ADAM20: variants seen among roughly 807,000 people sequenced by gnomAD.
ADAM20 encodes the protein ADAM metallopeptidase domain 20, also known as disintegrin and metalloproteinase domain-containing protein 20.
For synonymous variants in ADAM20, 305 were observed against 310.2 expected, an observed-to-expected ratio of 0.98 and a Z score of 0.18; for missense variants, 871 against 883.2, an observed-to-expected ratio of 0.99 and a Z score of 0.18.
At chr14:70,540,037 C>T in the ADAM20 span, among the ~76,000 whole-genome samples, 12 of 152,288 alleles carry the variant, frequency 7.9e-5, no homozygotes, top group South Asian at 1.9e-3. Flanking sequence ...CCGCAACACA[C>T]GCCCAACTAA....
the ADAM20 span, among the ~76,000 whole-genome samples, chr14:70,575,088 A>T: frequency 6.6e-6 from 1 of 151,916 alleles, no homozygotes; most frequent in Non-Finnish European, 1.5e-5. Flanking sequence ...TTTCTGTAAC[A>T]CGAGATAAAT....
At chr14:70,567,209 T>C in the ADAM20 span, among the ~76,000 whole-genome samples, 36 of 151,754 alleles carry the variant, frequency 2.4e-4, no homozygotes, top group East Asian at 7.0e-3. Context: ...AGATACCTAG[T>C]GGACCTCTGC....
intron 1 of ADAM20, among the ~76,000 whole-genome samples, chr14:70,525,323 C>A (rs1566656555): frequency 6.6e-6 from 1 of 152,106 alleles, no homozygotes; most frequent in Non-Finnish European, 1.5e-5. Context: ...ACGAGATCCT[C>A]CCACCTTAGC....
At chr14:70,571,325 T>C in the ADAM20 span, among the ~76,000 whole-genome samples, 283 of 152,270 alleles carry the variant, frequency 1.9e-3, 2 homozygotes, top group Non-Finnish European at 3.3e-3. Flanking sequence ...GGTGGTTACC[T>C]CCATTCTGTT....
At chr14:70,543,024 C>T in the ADAM20 span, among the ~76,000 whole-genome samples, 1 of 151,620 alleles carries the variant, frequency 6.6e-6, no homozygotes, top group African/African-American at 2.4e-5. Context: ...ATAAAGCAAA[C>T]CAGTCCTACT....
intron 1 of ADAM20, among the ~76,000 whole-genome samples, chr14:70,534,082 CAAAAA>C (rs59828723): frequency 0.08 from 4,292 of 53,734 alleles, 111 homozygotes; most frequent in African/African-American, 0.14. Flanking sequence ...GACCCTGTCT[CAAAAA>C]AAAAAAAAAA....
At chr14:70,530,593 T>C (rs1191133386) in intron 1 of ADAM20, among the ~76,000 whole-genome samples, 2 of 152,180 alleles carry the variant, frequency 1.3e-5, no homozygotes, top group Non-Finnish European at 2.9e-5. Flanking sequence ...TGCATTACGA[T>C]GTGACATTAG....
chr14:70,579,094 C>T, the ADAM20 span, among the ~76,000 whole-genome samples: 2 of 152,132 alleles, frequency 1.3e-5, no homozygotes, highest in Non-Finnish European at 2.9e-5. Context: ...TCTTGATGGG[C>T]ACCTTGACTG....
At chr14:70,573,800 G>A in the ADAM20 span, among the ~76,000 whole-genome samples, 1 of 152,178 alleles carries the variant, frequency 6.6e-6, no homozygotes, top group African/African-American at 2.4e-5. Flanking sequence ...AAAGATCATT[G>A]TATAATGATA....
chr14:70,573,161 T>C, the ADAM20 span, among the ~76,000 whole-genome samples: 1 of 152,150 alleles, frequency 6.6e-6, no homozygotes, highest in African/African-American at 2.4e-5. Flanking sequence ...CTATTCACAA[T>C]AGCAAAATCA....
the ADAM20 span, among the ~76,000 whole-genome samples, chr14:70,562,576 G>A: frequency 6.6e-6 from 1 of 152,294 alleles, no homozygotes; most frequent in Non-Finnish European, 1.5e-5. Flanking sequence ...CATGTTGGAG[G>A]AGGGGCTTGG....
chr14:70,557,705 T>C, the ADAM20 span, among the ~76,000 whole-genome samples: 1 of 152,246 alleles, frequency 6.6e-6, no homozygotes, highest in African/African-American at 2.4e-5. Context: ...TGGGCCAGAA[T>C]GGCTTTGAAT....
chr14:70,558,902 C>T, the ADAM20 span, among the ~76,000 whole-genome samples: 2 of 151,816 alleles, frequency 1.3e-5, no homozygotes, highest in Non-Finnish European at 2.9e-5. Flanking sequence ...TATTTTATAT[C>T]TTCCCTATCT....
chr14:70,541,353 C>T, the ADAM20 span, among the ~76,000 whole-genome samples: 1 of 152,024 alleles, frequency 6.6e-6, no homozygotes, highest in Non-Finnish European at 1.5e-5. Flanking sequence ...CACATTTTTA[C>T]CTAGATTAAA....
the ADAM20 span, among the ~76,000 whole-genome samples, chr14:70,574,465 T>G: frequency 6.6e-6 from 1 of 151,304 alleles, no homozygotes; most frequent in Non-Finnish European, 1.5e-5. Context: ...ACGGTGAAAC[T>G]CCGTCTCTAC....
In ADAM20 at chr14:70,524,216, G is replaced by T; in HGVS notation, c.542C>A (p.Ala181Glu). Reference sequence around the variant, plus strand: ...TGACAATTGCAACTCCATCTGGTGTGCTATTTTCTCTTCTGTTAACCCACA... The same window carrying T: ...TGACAATTGCAACTCCATCTGGTGTTCTATTTTCTCTTCTGTTAACCCACA... ...MRCGLTEEKI[A>E]HQMELQLSYN... Residue 181 changes from alanine to glutamate, a missense_variant, in exon 2 of 2, where the codon GCA becomes GAA. Transcript: ENST00000256389. 6.2e-7 allele frequency: 1 copy of T among 1,613,934 alleles called. No homozygotes were observed. The highest frequency in any genetic ancestry group is 8.5e-7 in the Non-Finnish European group (1 of 1,179,924).
At chr14:70,569,714 T>A in the ADAM20 span, among the ~76,000 whole-genome samples, 5 of 151,850 alleles carry the variant, frequency 3.3e-5, no homozygotes, top group Admixed American at 2.0e-4. Flanking sequence ...AAACATTCAA[T>A]TCAATCAAGA....
At chr14:70,544,484 C>T in the ADAM20 span, among the ~76,000 whole-genome samples, 1 of 152,030 alleles carries the variant, frequency 6.6e-6, no homozygotes, top group African/African-American at 2.4e-5. Context: ...GCAGTGCTTA[C>T]ATGGAAATTT....
At chr14:70,578,731 G>C in the ADAM20 span, among the ~76,000 whole-genome samples, 1 of 152,066 alleles carries the variant, frequency 6.6e-6, no homozygotes, top group African/African-American at 2.4e-5. Context: ...GTACACATGG[G>C]GGTTTGATAC....
Sources: gnomAD v4.1 joint callset for allele counts (sites outside exome capture counted in the v4.1 genomes callset) on GRCh38, gnomAD v4.1.1 for gene constraint, MANE v1.5 for transcripts, NCBI Gene and HGNC (gene_info 2026-07-23, HGNC 2026-07-21) for gene names.